The following RFX4 variants were observed in gnomAD, a reference collection of about 807,000 sequenced individuals.
RFX4 encodes the protein transcription factor RFX4.
RFX4 carries 10 observed loss-of-function variants against 95.0 expected under a neutral mutation model. The ratio of observed to expected loss-of-function variants is 0.11; its 90% CI spans 0.06 to 0.18. The LOEUF (loss-of-function observed/expected upper bound fraction) is 0.18. Among genes scored for constraint, RFX4 ranks in the 10% least tolerant of loss-of-function variants. RFX4 has a pLI of 1.00. For missense variants in RFX4, 640 were observed against 922.0 expected, an observed-to-expected ratio of 0.69 and a Z score of 3.96; for synonymous variants, 321 against 340.7, an observed-to-expected ratio of 0.94 and a Z score of 0.64.
chr12:106,621,544 T>C (rs1249609164), intron 2 of RFX4, among the ~76,000 whole-genome samples: 3 of 152,244 alleles, frequency 2.0e-5, no homozygotes, highest in African/African-American at 7.2e-5. Context: ...CAATTAATGA[T>C]TGGCTCTTTA....
chr12:106,675,095 C>G (rs551226883), intron 4 of RFX4, among the ~76,000 whole-genome samples: 4 of 152,284 alleles, frequency 2.6e-5, no homozygotes, highest in Admixed American at 6.5e-5. Context: ...TTCAAGAGAT[C>G]TATTGCACAG....
chr12:106,681,020 TCCACAAAC>T (rs1258946553), intron 4 of RFX4: 1 of 152,184 alleles, frequency 6.6e-6, no homozygotes, highest in East Asian at 1.9e-4. Flanking sequence ...GTCATGCCTC[TCCACAAAC>T]ATCATCTCCG....
At chr12:106,735,375 A>T (rs1012750273) in intron 15 of RFX4, among the ~76,000 whole-genome samples, 1 of 152,170 alleles carries the variant, frequency 6.6e-6, no homozygotes, top group Non-Finnish European at 1.5e-5. Context: ...GTAATAGCTG[A>T]GAGTTTTATA....
In RFX4 at chr12:106,732,953, G is replaced by A. The variant is rs1448963112; in HGVS notation, c.1501G>A (p.Glu501Lys). 1 of 1,614,078 alleles carries A rather than the reference G, an allele frequency of 6.2e-7. No individual in the cohort carries two copies. The highest frequency in any genetic ancestry group is 2.2e-5 in the East Asian group (1 of 44,884). The change falls in exon 15 of 18, where the codon GAG becomes AAG. Residue 501 changes from glutamate (E) to lysine (K), a missense_variant. Physicochemically the swap from Glu to Lys is moderately conservative, Grantham distance 56. Around this residue, in one of 7 missense-constraint regions of RFX4, gnomAD observed 300 missense variants for 346.8 expected, o/e 0.87. Coordinates refer to ENST00000392842, the MANE Select transcript of RFX4 (RefSeq NM_213594.3). The stretch of plus-strand genomic sequence containing the variant: ...AGTCCGAGAAGAGATCATCTTGACA[G>A]AGGCTGCCGCACCAACCCCTTCACC... Reference protein sequence around the residue: ...AEVREEIILTEAAAPTPSPVP... With the variant: ...AEVREEIILTKAAAPTPSPVP...
In RFX4 at chr12:106,721,098, T is replaced by C. The variant is rs112519981; in HGVS notation, c.1351+222T>C. On this transcript the variant is annotated intron_variant, in intron 13 of 17. Coordinates refer to ENST00000392842, the MANE Select transcript of RFX4 (RefSeq NM_213594.3). Reference sequence around the variant, plus strand: ...GAAAATGAGTGGTTTTGCCCACAGATAGTACTATCTGAGCTTAAAGAAGAA... The same window carrying C: ...GAAAATGAGTGGTTTTGCCCACAGACAGTACTATCTGAGCTTAAAGAAGAA... Among the ~76,000 whole-genome samples, 1,424 of 152,248 alleles carry C rather than the reference T, an allele frequency of 9.4e-3. 29 individuals carry two copies. Among genetic ancestry groups the C allele is most frequent in the African/African-American group, 0.032 (1,324 of 41,550 alleles).
At chr12:106,592,206 GAA>G (rs10710882) in intron 1 of RFX4, among the ~76,000 whole-genome samples, 4 of 150,926 alleles carry the variant, frequency 2.7e-5, no homozygotes, top group East Asian at 1.9e-4. Flanking sequence ...TAAGAATACT[GAA>G]AAAAAAAATG....
In RFX4 at chr12:106,743,090, A is replaced by G. The variant is rs114606453; in HGVS notation, c.1634-4347A>G. ...TTTCAATACTGTAAGGTGACCAACA[A>G]CTGCTCCTCTTGGGATCTTTATAGG... On this transcript the variant is annotated intron_variant, in intron 15 of 17. Coordinates refer to ENST00000392842, the MANE Select transcript of RFX4 (RefSeq NM_213594.3). 6.9e-3 allele frequency among the ~76,000 whole-genome samples: 1,051 copies of G among 152,290 alleles called. 17 individuals are homozygous for G. Among genetic ancestry groups the G allele is most frequent in the African/African-American group, 0.024 (1,008 of 41,564 alleles).
chr12:106,649,898 G>C (rs528004702), intron 3 of RFX4, among the ~76,000 whole-genome samples: 1 of 152,196 alleles, frequency 6.6e-6, no homozygotes, highest in Non-Finnish European at 1.5e-5. Flanking sequence ...GCAGCATGAG[G>C]CCCACACCCT....
chr12:106,678,617 T>C (rs2041443951), intron 4 of RFX4, among the ~76,000 whole-genome samples: 1 of 152,242 alleles, frequency 6.6e-6, no homozygotes, highest in Admixed American at 6.5e-5. Flanking sequence ...GTTTATTTAG[T>C]ACATAAATAT....
At chr12:106,692,198 G>A (rs1454289922) in intron 7 of RFX4, among the ~76,000 whole-genome samples, 2 of 151,928 alleles carry the variant, frequency 1.3e-5, no homozygotes, top group Admixed American at 6.6e-5. Context: ...AGGGGACTCG[G>A]GAACGTCTTC....
At chr12:106,600,388 C>CT (rs965183940) in intron 1 of RFX4, among the ~76,000 whole-genome samples, 57 of 152,224 alleles carry the variant, frequency 3.7e-4, no homozygotes, top group Admixed American at 1.4e-3. Flanking sequence ...CCCAACCCCC[C>CT]TTTTTTTCTC....
At chr12:106,686,325 C>T (rs538530631) in intron 5 of RFX4, among the ~76,000 whole-genome samples, 7 of 151,326 alleles carry the variant, frequency 4.6e-5, no homozygotes, top group African/African-American at 1.7e-4. Flanking sequence ...GCAGGAGAAT[C>T]GCTTGAACCC....
Position 106,583,213 on chromosome 12 carries a change from T to G in RFX4, c.-108T>G. On this transcript the variant is annotated 5_prime_UTR_variant, in exon 1 of 18. Transcript: ENST00000392842. ...CCCCCTCACTTTCTGCGTCTCTCTC[T>G]CTCCCCTTCTCCCTCCCTCCCTCCC... 1 of 972,552 alleles carries G rather than the reference T, an allele frequency of 1.0e-6. No individual in the cohort carries two copies. The allele number at this position is 972,552 out of a possible 1,614,324, so 60.2% of individuals were successfully genotyped here. A position where few individuals can be genotyped will look rare whatever the true frequency, so the allele number is the denominator to read the frequency against.
intron 4 of RFX4, among the ~76,000 whole-genome samples, chr12:106,675,147 C>G (rs1055969663): frequency 3.3e-5 from 5 of 151,846 alleles, no homozygotes; most frequent in African/African-American, 1.2e-4. Context: ...TTGAAAATTA[C>G]TGGCCAGGCA....
intron 3 of RFX4, among the ~76,000 whole-genome samples, chr12:106,649,066 A>C (rs2040811205): frequency 6.6e-6 from 1 of 152,226 alleles, no homozygotes; most frequent in Non-Finnish European, 1.5e-5. Flanking sequence ...ATAGAAGATA[A>C]GGAAAATGGA....
intron 1 of RFX4, 111 bp downstream of exon 1, chr12:106,583,474 A>G (rs904783327): frequency 3.0e-6 from 3 of 988,936 alleles, no homozygotes; most frequent in Non-Finnish European, 4.3e-6. Flanking sequence ...TTGACAGTGG[A>G]ACCCCAAAGA....
intron 2 of RFX4, among the ~76,000 whole-genome samples, chr12:106,638,181 T>C (rs1207838000): frequency 6.6e-6 from 1 of 152,084 alleles, no homozygotes; most frequent in Non-Finnish European, 1.5e-5. Context: ...CTAATTTTTG[T>C]ATTTTTAGTA....
chr12:106,761,653 A>C lies in RFX4; in HGVS notation c.*184A>C, dbSNP rs2043209888. ...GTGGGATGAATAAACTTTAGTTCAG[A>C]AACAGGACTTACTAAAAGTCAGTGG... is the stretch of plus-strand genomic sequence containing the variant. On this transcript the variant is annotated 3_prime_UTR_variant, in exon 18 of 18. Coordinates refer to ENST00000392842, the MANE Select transcript of RFX4 (RefSeq NM_213594.3). The C allele has an allele frequency of 3.3e-6, 1 of 306,750 alleles. No individual in the cohort carries two copies. 19.0% of individuals were successfully genotyped at this position (306,750 alleles called of 1,614,324 possible).
intron 15 of RFX4, among the ~76,000 whole-genome samples, chr12:106,741,839 C>T (rs915649193): frequency 6.6e-6 from 1 of 152,272 alleles, no homozygotes; most frequent in African/African-American, 2.4e-5. Flanking sequence ...AACTGTTCCA[C>T]CTCAGATCAT....
Sources: gnomAD v4.1 joint callset for allele counts (sites outside exome capture counted in the v4.1 genomes callset) on GRCh38, gnomAD v4.1.1 for gene constraint, gnomAD v4.1.1 regional missense constraint, MANE v1.5 for transcripts, NCBI Gene and HGNC (gene_info 2026-07-23, HGNC 2026-07-21) for gene names.